Variants in SUPT3H observed in about 807,000 individuals in gnomAD.
SUPT3H encodes the protein transcription initiation protein SPT3 homolog.
Under a neutral mutation model 44.3 loss-of-function variants are expected in SUPT3H, and 44 were observed. The ratio of observed to expected loss-of-function variants is 0.99; its 90% CI spans 0.78 to 1.28. SUPT3H has a LOEUF of 1.28. Among genes scored for constraint, SUPT3H ranks in the 50% most tolerant of loss-of-function variants. The probability of loss-of-function intolerance (pLI) is 0.00; values close to 1 mark genes in which losing one functional copy is unlikely to be tolerated. For missense variants in SUPT3H, 380 were observed against 387.1 expected, an observed-to-expected ratio of 0.98 and a Z score of 0.15; for synonymous variants, 124 against 125.6, an observed-to-expected ratio of 0.99 and a Z score of 0.09.
intron 2 of SUPT3H, among the ~76,000 whole-genome samples, chr6:45,231,951 A>C (rs1299009609): frequency 1.3e-5 from 2 of 152,092 alleles, no homozygotes; most frequent in African/African-American, 4.8e-5. Flanking sequence ...CTTATTTATG[A>C]TTATCTGTTT....
At chr6:45,152,585 G>A (rs767987917) in intron 2 of SUPT3H, among the ~76,000 whole-genome samples, 4 of 152,080 alleles carry the variant, frequency 2.6e-5, no homozygotes, top group African/African-American at 7.2e-5. Context: ...TGTGCCTCCC[G>A]GGTTCAAGTG....
chr6:45,198,080 T>C (rs1318208012), intron 2 of SUPT3H, among the ~76,000 whole-genome samples: 1 of 151,434 alleles, frequency 6.6e-6, no homozygotes, highest in African/African-American at 2.4e-5. Context: ...CTGAACAAGA[T>C]ATTATCTGAA....
chr6:45,177,901 A>G (rs1812288175), intron 2 of SUPT3H, among the ~76,000 whole-genome samples: 2 of 152,086 alleles, frequency 1.3e-5, no homozygotes, highest in Admixed American at 6.6e-5. Flanking sequence ...GCCTGCCCTA[A>G]AAGAGCTCCT....
At chr6:45,146,805 A>G (rs561179538) in intron 2 of SUPT3H, among the ~76,000 whole-genome samples, 98 of 152,100 alleles carry the variant, frequency 6.4e-4, no homozygotes, top group Non-Finnish European at 5.0e-4. Flanking sequence ...TCTTTATTCA[A>G]TTGAGAAGAA....
At chr6:45,347,483 T>C (rs1027103992) in intron 2 of SUPT3H, among the ~76,000 whole-genome samples, 4 of 152,162 alleles carry the variant, frequency 2.6e-5, no homozygotes, top group South Asian at 2.1e-4. Flanking sequence ...TGTATCATTA[T>C]AGGCAAGATG....
chr6:45,363,418 G>GTTA (rs1165711560), intron 2 of SUPT3H, among the ~76,000 whole-genome samples: 3 of 152,050 alleles, frequency 2.0e-5, no homozygotes, highest in African/African-American at 7.2e-5. Context: ...AGGGAGAAAG[G>GTTA]TTAAATAAGA....
At chr6:45,133,692 G>A (rs1803837089) in intron 2 of SUPT3H, among the ~76,000 whole-genome samples, 1 of 152,174 alleles carries the variant, frequency 6.6e-6, no homozygotes, top group Admixed American at 6.5e-5. Flanking sequence ...CGGAACATCT[G>A]ACAACCCTCC....
intron 3 of SUPT3H, among the ~76,000 whole-genome samples, chr6:45,038,688 CATT>C (rs1788058179): frequency 6.6e-6 from 1 of 151,632 alleles, no homozygotes; most frequent in Non-Finnish European, 1.5e-5. Flanking sequence ...TTTTTAATAA[CATT>C]AGGAGAAAAC....
chr6:44,861,071 CTTTT>C (rs1253790293), intron 10 of SUPT3H, among the ~76,000 whole-genome samples: 1 of 151,832 alleles, frequency 6.6e-6, no homozygotes, highest in East Asian at 1.9e-4. Context: ...TCATAGCTTT[CTTTT>C]GTTTTGTTTT....
At chr6:45,240,178 T>C (rs377104547) in intron 2 of SUPT3H, among the ~76,000 whole-genome samples, 1 of 152,162 alleles carries the variant, frequency 6.6e-6, no homozygotes. Flanking sequence ...GAAGACATTC[T>C]AGCAGGATTG....
At chr6:45,287,662 G>A (rs1260776614) in intron 2 of SUPT3H, among the ~76,000 whole-genome samples, 2 of 152,118 alleles carry the variant, frequency 1.3e-5, no homozygotes, top group Non-Finnish European at 2.9e-5. Context: ...AGTTTAGGAA[G>A]ATGAAAAAGT....
At chr6:45,015,341 T>C (rs1784084923) in intron 4 of SUPT3H, among the ~76,000 whole-genome samples, 1 of 152,072 alleles carries the variant, frequency 6.6e-6, no homozygotes, top group Non-Finnish European at 1.5e-5. Flanking sequence ...CATTTCTAAA[T>C]ATACAAAAAT....
chr6:44,819,452 T>G (rs549855844), intron 11 of SUPT3H, among the ~76,000 whole-genome samples: 1 of 151,674 alleles, frequency 6.6e-6, no homozygotes, highest in African/African-American at 2.4e-5. Context: ...ATAAAAAGGG[T>G]TTATACCTAT....
chr6:45,220,704 A>G (rs1765889957), intron 2 of SUPT3H, among the ~76,000 whole-genome samples: 1 of 152,196 alleles, frequency 6.6e-6, no homozygotes, highest in Non-Finnish European at 1.5e-5. Context: ...AGCCTCCTGG[A>G]AAAAAATAAC....
intron 10 of SUPT3H, among the ~76,000 whole-genome samples, chr6:44,844,054 C>A (rs1476406982): frequency 6.6e-6 from 1 of 151,976 alleles, no homozygotes; most frequent in Non-Finnish European, 1.5e-5. Context: ...GATAGAAATG[C>A]AGATCAGTGA....
chr6:45,333,147 A>G (rs1330581258), intron 2 of SUPT3H, among the ~76,000 whole-genome samples: 1 of 151,772 alleles, frequency 6.6e-6, no homozygotes, highest in African/African-American at 2.4e-5. Flanking sequence ...GTCTCACATA[A>G]TGAAATTTTA....
chr6:44,832,788 G>A (rs569033480), intron 10 of SUPT3H, among the ~76,000 whole-genome samples: 19 of 152,142 alleles, frequency 1.2e-4, no homozygotes, highest in African/African-American at 4.6e-4. Context: ...ACCTGGATAA[G>A]CAGATACAGA....
intron 10 of SUPT3H, among the ~76,000 whole-genome samples, chr6:44,910,931 G>A (rs970293219): frequency 3.8e-5 from 5 of 131,956 alleles, no homozygotes; most frequent in Non-Finnish European, 6.2e-5. Flanking sequence ...GGAGGCAGAG[G>A]TTGCAATGAG....
intron 2 of SUPT3H, among the ~76,000 whole-genome samples, chr6:45,352,801 C>T (rs1554359108): frequency 6.6e-6 from 1 of 151,972 alleles, no homozygotes; most frequent in Non-Finnish European, 1.5e-5. Flanking sequence ...TTCTTTATTA[C>T]TTATATTGCA....
Sources: gnomAD v4.1 joint callset for allele counts (sites outside exome capture counted in the v4.1 genomes callset) on GRCh38, gnomAD v4.1.1 for gene constraint, MANE v1.5 for transcripts, NCBI Gene and HGNC (gene_info 2026-07-23, HGNC 2026-07-21) for gene names.